Variants in PLD5 observed in about 807,000 individuals in gnomAD.
PLD5 encodes the protein inactive phospholipase D5.
A neutral mutation model predicts 61.1 loss-of-function variants in PLD5; 36 were observed. The observed-to-expected ratio is 0.59, with a 90% CI of 0.45 to 0.78. The LOEUF (loss-of-function observed/expected upper bound fraction) is 0.78, where lower values mean the gene tolerates loss of function less well. PLD5 is among the 30% of genes least tolerant of loss of function. The pLI is 0.00. For synonymous variants in PLD5, 243 were observed against 242.8 expected, an observed-to-expected ratio of 1.00 and a Z score of -0.01; for missense variants, 515 against 644.4, an observed-to-expected ratio of 0.80 and a Z score of 2.17.
intron 1 of PLD5, among the ~76,000 whole-genome samples, chr1:242,474,178 A>G (rs1434096946): frequency 1.3e-5 from 2 of 152,206 alleles, no homozygotes; most frequent in African/African-American, 4.8e-5. Context: ...ATTACTTGCA[A>G]TGGCAAAACC....
intron 2 of PLD5, among the ~76,000 whole-genome samples, chr1:242,318,396 C>T (rs1658157096): frequency 6.6e-6 from 1 of 152,186 alleles, no homozygotes; most frequent in Non-Finnish European, 1.5e-5. Flanking sequence ...CAAACGCTGC[C>T]AGTGGGCACT....
intron 1 of PLD5, among the ~76,000 whole-genome samples, chr1:242,394,805 T>TATATAC (rs1663343689): frequency 2.4e-5 from 2 of 83,020 alleles, no homozygotes; most frequent in African/African-American, 5.4e-5. Flanking sequence ...TATATGTGTA[T>TATATAC]ATATGTGAAT....
In PLD5 at chr1:242,325,069, G is replaced by A. The variant is rs146286859; in HGVS notation, c.326+23037C>T. On this transcript the variant is annotated intron_variant, in intron 2 of 9. Coordinates refer to ENST00000536534, the MANE Select transcript of PLD5 (RefSeq NM_001372062.1). Reference sequence around the variant, plus strand: ...ACTCTTTCTCTATGGCAATTCCCGCGTCTCAATAAATTGGCTCTATCTGGG... The same window carrying A: ...ACTCTTTCTCTATGGCAATTCCCGCATCTCAATAAATTGGCTCTATCTGGG... Among the ~76,000 whole-genome samples the A allele has an allele frequency of 5.0e-3, 762 of 152,170 alleles. 11 individuals are homozygous for A. The highest frequency in any genetic ancestry group is 0.027 in the East Asian group (138 of 5,150).
chr1:242,161,517 T>TTTAAGTTTCCTATATTATAAAAA (rs1553312482), intron 5 of PLD5, among the ~76,000 whole-genome samples: 3 of 152,128 alleles, frequency 2.0e-5, no homozygotes, highest in African/African-American at 7.2e-5. Context: ...TATGTTTCTC[T>TTTAAGTTTCCTATATTATAAAAA]TTAAGTTTCC....
Position 242,087,488 on chromosome 1 carries a change from T to A in PLD5, c.*2366A>T, listed in dbSNP as rs1232975474. The A allele has an allele frequency of 6.6e-6, 1 of 152,190 alleles. No individual in the cohort carries two copies. Among genetic ancestry groups the A allele is most frequent in the Non-Finnish European group, 1.5e-5 (1 of 68,040 alleles). 9.4% of individuals were successfully genotyped at this position (152,190 alleles called of 1,614,324 possible). On this transcript the variant is annotated 3_prime_UTR_variant, in exon 10 of 10. Coordinates refer to ENST00000536534, the MANE Select transcript of PLD5 (RefSeq NM_001372062.1). ...ACTTGAGAACTAACAAATTTTAGTT[T>A]ATTTGGTTTTTTTTTCTCCCTTTAG... is the stretch of plus-strand genomic sequence containing the variant.
intron 1 of PLD5, among the ~76,000 whole-genome samples, chr1:242,437,965 G>A (rs575153859): frequency 4.6e-5 from 7 of 152,188 alleles, no homozygotes; most frequent in Non-Finnish European, 1.0e-4. Context: ...TCGTAGAGAA[G>A]TATTACCTCT....
chr1:242,337,818 C>T (rs1392731340), intron 2 of PLD5, among the ~76,000 whole-genome samples: 2 of 152,148 alleles, frequency 1.3e-5, no homozygotes, highest in Non-Finnish European at 2.9e-5. Context: ...CAACAGGAAA[C>T]CTATCCTAGG....
chr1:242,523,114 C>T (rs1051811617), intron 1 of PLD5, among the ~76,000 whole-genome samples: 6 of 152,256 alleles, frequency 3.9e-5, no homozygotes, highest in African/African-American at 1.4e-4. Flanking sequence ...TTGGTCTTAT[C>T]TTTTTTATCA....
intron 4 of PLD5, among the ~76,000 whole-genome samples, chr1:242,264,782 T>C (rs1414627951): frequency 6.6e-6 from 1 of 152,152 alleles, no homozygotes; most frequent in Non-Finnish European, 1.5e-5. Flanking sequence ...TCGGTTGACA[T>C]TATAGCAAAA....
intron 3 of PLD5, among the ~76,000 whole-genome samples, chr1:242,280,052 T>G (rs1000319938): frequency 1.1e-4 from 17 of 151,738 alleles, no homozygotes; most frequent in Middle Eastern, 3.4e-3. Context: ...AAAAGCTCCA[T>G]TCTTTATTGT....
At chr1:242,342,054 C>T (rs1021168161) in intron 2 of PLD5, among the ~76,000 whole-genome samples, 2 of 152,000 alleles carry the variant, frequency 1.3e-5, no homozygotes, top group Non-Finnish European at 2.9e-5. Context: ...CAATGTTAGC[C>T]CACCCAAGAC....
At chr1:242,480,634 G>T (rs557132848) in intron 1 of PLD5, among the ~76,000 whole-genome samples, 1 of 152,188 alleles carries the variant, frequency 6.6e-6, no homozygotes, top group South Asian at 2.1e-4. Context: ...AATGTAGAAA[G>T]ATCTCTTAAT....
At chr1:242,112,297 G>C (rs554492592) in intron 7 of PLD5, among the ~76,000 whole-genome samples, 233 of 100,852 alleles carry the variant, frequency 2.3e-3, no homozygotes, top group African/African-American at 0.014. Context: ...GTGTGTGTGT[G>C]TGTGTGTGTG....
chr1:242,403,930 C>T (rs1398349264), intron 1 of PLD5, among the ~76,000 whole-genome samples: 2 of 152,300 alleles, frequency 1.3e-5, no homozygotes, highest in African/African-American at 4.8e-5. Context: ...AAAAATAATA[C>T]ACAAACCACA....
At chr1:242,480,524 A>T (rs1015701115) in intron 1 of PLD5, among the ~76,000 whole-genome samples, 6 of 152,182 alleles carry the variant, frequency 3.9e-5, no homozygotes, top group African/African-American at 1.4e-4. Flanking sequence ...AAAATGGAAA[A>T]CTTGTGCTCT....
intron 6 of PLD5, among the ~76,000 whole-genome samples, chr1:242,121,065 A>C (rs989826426): frequency 6.6e-6 from 1 of 152,184 alleles, no homozygotes; most frequent in African/African-American, 2.4e-5. Flanking sequence ...TCAGCTTATA[A>C]AAATATACTA....
intron 5 of PLD5, among the ~76,000 whole-genome samples, chr1:242,183,571 C>G (rs1667657100): frequency 6.6e-6 from 1 of 152,278 alleles, no homozygotes; most frequent in African/African-American, 2.4e-5. Context: ...CTTCGTGTCT[C>G]AATTATTGTT....
chr1:242,204,749 C>T (rs974938536), intron 5 of PLD5, among the ~76,000 whole-genome samples: 14 of 151,856 alleles, frequency 9.2e-5, no homozygotes, highest in East Asian at 3.9e-4. Context: ...TAGAGATGAG[C>T]GAATGGAATT....
At chr1:242,173,250 T>C (rs1478477831) in intron 5 of PLD5, among the ~76,000 whole-genome samples, 2 of 152,162 alleles carry the variant, frequency 1.3e-5, no homozygotes, top group Non-Finnish European at 2.9e-5. Context: ...AGCATTCCTC[T>C]ATACCAATAA....
Sources: allele counts gnomAD v4.1 joint callset (sites outside exome capture counted in the v4.1 genomes callset), GRCh38; gene constraint gnomAD v4.1.1; transcripts MANE v1.5; gene names NCBI Gene and HGNC (gene_info 2026-07-23, HGNC 2026-07-21).